Variants in DZANK1 observed in about 807,000 individuals in gnomAD.
DZANK1 encodes double zinc ribbon and ankyrin repeat domains 1, also known as double zinc ribbon and ankyrin repeat-containing protein 1.
DZANK1 carries 91 observed loss-of-function variants against 94.5 expected under a neutral mutation model. That is an observed-to-expected ratio of 0.96 (90% CI 0.81 to 1.15). The LOEUF (loss-of-function observed/expected upper bound fraction) is 1.15. Ranked by LOEUF, DZANK1 falls within the 50% of genes most tolerant of loss-of-function variation. The pLI, the probability that DZANK1 is intolerant of heterozygous loss-of-function variation, is 0.00. For synonymous variants in DZANK1, 312 were observed against 325.3 expected (o/e 0.96, Z 0.44); for missense variants, 903 against 916.4 (o/e 0.99, Z 0.19).
Position 18,398,236 on chromosome 20 carries a change from G to A in DZANK1, c.1536+287C>T, listed in dbSNP as rs188139078. On this transcript the variant is annotated intron_variant, in intron 14 of 20. Coordinates refer to ENST00000262547, the Ensembl canonical transcript of DZANK1. ...ATCTGGATGGATTAAATTGTTCTGG[G>A]ACCTTTCATTCTGACTGTTAGAATT... 321 of 403,836 alleles carry A rather than the reference G, an allele frequency of 7.9e-4. 3 individuals carry two copies. Among genetic ancestry groups the A allele is most frequent in the African/African-American group, 5.6e-3 (280 of 50,180 alleles). 25.0% of individuals were successfully genotyped at this position (403,836 alleles called of 1,614,324 possible).
chr20:18,445,532 C>T (rs2058845765), intron 7 of DZANK1, among the ~76,000 whole-genome samples: 2 of 152,178 alleles, frequency 1.3e-5, no homozygotes, highest in Admixed American at 1.3e-4. Context: ...GCAGAATACA[C>T]ATTCTTTTAA....
At chr20:18,466,191 C>G (rs2059644774) in intron 1 of DZANK1, among the ~76,000 whole-genome samples, 1 of 152,202 alleles carries the variant, frequency 6.6e-6, no homozygotes, top group Non-Finnish European at 1.5e-5. Flanking sequence ...CATTAATAAT[C>G]CATAGATTTT....
At chr20:18,458,884 C>T (rs2059378298) in intron 3 of DZANK1, among the ~76,000 whole-genome samples, 1 of 152,190 alleles carries the variant, frequency 6.6e-6, no homozygotes. Context: ...AAGGCATTCA[C>T]CTTTTGAGTT....
chr20:18,413,636 C>T (rs755459349), intron 12 of DZANK1, among the ~76,000 whole-genome samples: 2 of 151,862 alleles, frequency 1.3e-5, no homozygotes, highest in East Asian at 3.9e-4. Context: ...AAAAATTAGC[C>T]GGGCATGGTG....
intron 12 of DZANK1, 134 bp from the exon 13 acceptor site, chr20:18,412,987 C>T: frequency 1.2e-6 from 1 of 808,372 alleles, no homozygotes; most frequent in Admixed American, 2.8e-5. Context: ...ATAGGGTTTT[C>T]CAGCCTTTGC....
rs193073360 is a variant in DZANK1 at position 18,419,380 on chromosome 20, A to G, written c.955-3931T>C. Among the ~76,000 whole-genome samples the G allele has an allele frequency of 3.3e-3, 500 of 152,320 alleles. 5 individuals are homozygous for G. The highest frequency in any genetic ancestry group is 0.012 in the African/African-American group (481 of 41,578). On this transcript the variant is annotated intron_variant, in intron 10 of 20. Transcript: ENST00000262547. Reference sequence around the variant, plus strand: ...TAGAAAATGAGTGGAGTAGAAAAATAAAGAAATCATGGCCGAACAATTCCT... The same window carrying G: ...TAGAAAATGAGTGGAGTAGAAAAATGAAGAAATCATGGCCGAACAATTCCT...
chr20:18,394,055 A>G (rs2056178904), intron 16 of DZANK1, among the ~76,000 whole-genome samples, 199 bp downstream of exon 16: 1 of 152,156 alleles, frequency 6.6e-6, no homozygotes, highest in Non-Finnish European at 1.5e-5. Flanking sequence ...GCACCCCACA[A>G]ATGAATTTCC....
At chr20:18,452,022 G>C (rs559378745) in intron 6 of DZANK1, 21 of 485,798 alleles carry the variant, frequency 4.3e-5, no homozygotes, top group African/African-American at 3.7e-4. Flanking sequence ...GGTCAGACTA[G>C]TATCTGTGAC....
intron 8 of DZANK1, among the ~76,000 whole-genome samples, chr20:18,435,743 C>A (rs751754637): frequency 6.6e-6 from 1 of 151,260 alleles, no homozygotes; most frequent in Non-Finnish European, 1.5e-5. Flanking sequence ...CACATGTATC[C>A]CAGAACTTAA....
chr20:18,412,615 C>A (rs368304278), intron 13 of DZANK1, 31 bp downstream of exon 13: 1 of 1,600,510 alleles, frequency 6.2e-7, no homozygotes, highest in Non-Finnish European at 8.6e-7. Context: ...AATTCCCTCC[C>A]GACCAGAAGA....
intron 3 of DZANK1, 48 bp downstream of exon 3, chr20:18,460,102 CATA>C: frequency 8.0e-7 from 1 of 1,243,514 alleles, no homozygotes; most frequent in South Asian, 2.4e-5. Context: ...AAAATTAGAA[CATA>C]ATGTTATTAT....
chr20:18,430,704 A>G (rs1414865861), intron 9 of DZANK1, among the ~76,000 whole-genome samples: 1 of 152,144 alleles, frequency 6.6e-6, no homozygotes. Flanking sequence ...GGTCTCAGCT[A>G]CTTGGGGGCC....
chr20:18,386,965 C>G (rs923146177), intron 19 of DZANK1, among the ~76,000 whole-genome samples: 7 of 152,148 alleles, frequency 4.6e-5, no homozygotes, highest in Admixed American at 2.6e-4. Context: ...TTTCACACTG[C>G]TGATAAAGAC....
rs550199836 is a variant in DZANK1, at chr20:18,418,391, C to T, written c.955-2942G>A. On this transcript the variant is annotated intron_variant, in intron 10 of 20. Transcript: ENST00000262547. ...TTCTCTGTGTATTCAGATCTTTTACCAATCCTTGAACAACATATGTACAGA... is the reference window on the plus strand; with the variant it reads ...TTCTCTGTGTATTCAGATCTTTTACTAATCCTTGAACAACATATGTACAGA... 2.6e-5 allele frequency among the ~76,000 whole-genome samples: 4 copies of T among 152,256 alleles called. No individual in the cohort carries two copies. In the South Asian group the frequency reaches 8.3e-4, roughly 32 times the overall value.
intron 8 of DZANK1, among the ~76,000 whole-genome samples, chr20:18,440,708 C>T (rs2058691162): frequency 6.6e-6 from 1 of 152,126 alleles, no homozygotes; most frequent in African/African-American, 2.4e-5. Context: ...AAAACGAAGG[C>T]TGGTATCCTC....
intron 13 of DZANK1, among the ~76,000 whole-genome samples, chr20:18,409,312 C>G (rs1405298317): frequency 6.6e-6 from 1 of 151,912 alleles, no homozygotes; most frequent in African/African-American, 2.4e-5. Flanking sequence ...AGAGGTGATT[C>G]CTAAGGTTCA....
exon 2 of DZANK1, chr20:18,465,294 G>A (rs2059605594): frequency 6.2e-7 from 1 of 1,610,540 alleles, no homozygotes. Flanking sequence ...TTCATGGTTA[G>A]CTTTTCCAGG....
intron 7 of DZANK1, among the ~76,000 whole-genome samples, chr20:18,446,821 A>G (rs1343828112): frequency 1.3e-5 from 2 of 152,216 alleles, no homozygotes; most frequent in African/African-American, 2.4e-5. Flanking sequence ...GAGTGAAAAC[A>G]CTTCCTAACT....
At chr20:18,427,003 C>T in intron 10 of DZANK1, 64 bp downstream of exon 10, 2 of 1,245,610 alleles carry the variant, frequency 1.6e-6, no homozygotes, top group Non-Finnish European at 2.3e-6. Flanking sequence ...TTCTGTTTCT[C>T]TATTATCATT....
Sources: allele counts gnomAD v4.1 joint callset (sites outside exome capture counted in the v4.1 genomes callset), GRCh38; gene constraint gnomAD v4.1.1; transcripts MANE v1.5; gene names NCBI Gene and HGNC (gene_info 2026-07-23, HGNC 2026-07-21).